The following NTMT1 variants were observed in gnomAD, a reference collection of about 807,000 sequenced individuals.
NTMT1 encodes the protein N-terminal RCC1 methyltransferase.
A neutral mutation model predicts 17.5 loss-of-function variants in NTMT1; 8 were observed. The observed-to-expected ratio is 0.46, with a 90% CI of 0.27 to 0.82. NTMT1 has a LOEUF of 0.82. Ranked by LOEUF, NTMT1 falls within the 40% of genes least tolerant of loss-of-function variation. The pLI, the probability that NTMT1 is intolerant of heterozygous loss-of-function variation, is 0.15. For synonymous variants in NTMT1, 128 were observed against 126.8 expected (o/e 1.01, Z -0.06); for missense variants, 221 against 303.5 (o/e 0.73, Z 2.02).
At chr9:129,619,652 G>A (rs767800175) in intron 1 of NTMT1, 2 of 1,613,458 alleles carry the variant, frequency 1.2e-6, no homozygotes, top group Admixed American at 3.3e-5. Context: ...AGACAAACAG[G>A]CCACATCTGG....
chr9:129,620,746 C>A lies in NTMT1; in HGVS notation c.-55+11568C>A. Reference sequence around the variant, plus strand: ...CAGCGAGTGGCTTCAGGCGAGAGCTCCCAGAGCCTCTGTTTCCTCACCTGA... The same window carrying A: ...CAGCGAGTGGCTTCAGGCGAGAGCTACCAGAGCCTCTGTTTCCTCACCTGA... On this transcript the variant is annotated intron_variant, in intron 1 of 3. Coordinates refer to the NTMT1 transcript ENST00000372486. This position sits in a 1 kb window ranked among gnomAD's most constrained non-coding sequence, Gnocchi z 5.8. 1 of 513,016 alleles carries A rather than the reference C, an allele frequency of 1.9e-6. No homozygotes were observed. The highest frequency in any genetic ancestry group is 3.0e-6 in the Non-Finnish European group (1 of 332,360). The allele number at this position is 513,016 out of a possible 1,614,324, so 31.8% of individuals were successfully genotyped here.
chr9:129,612,887 G>A lies in NTMT1; in HGVS notation c.-55+3709G>A, dbSNP rs1045488089. Among the ~76,000 whole-genome samples the A allele has an allele frequency of 3.9e-5, 6 of 152,054 alleles. No homozygotes were observed. The South Asian group carries it at 8.3e-4, about 21-fold the overall frequency. On this transcript the variant is annotated intron_variant, in intron 1 of 3. Coordinates refer to the NTMT1 transcript ENST00000372486. The stretch of plus-strand genomic sequence containing the variant: ...GGAGATGCAGAAAGGAACTGTGATC[G>A]GAACCCAGGCACCTGGCTTAGAGCC...
At chr9:129,623,226 G>T (rs1056327040), upstream of NTMT1, among the ~76,000 whole-genome samples, 3 of 151,700 alleles carry the variant, frequency 2.0e-5, no homozygotes, top group South Asian at 6.2e-4. Flanking sequence ...CCAGCTACGC[G>T]GGAGGCTGAG....
rs779953946 is a variant in NTMT1, at chr9:129,632,823, C to T, written c.120C>T (p.Ile40=). Residue 40 remains isoleucine, a synonymous_variant, in exon 2 of 4, where the codon ATC becomes ATT. Transcript: ENST00000372483. ...GGGGGTATGGCCACATCTCCAGCAT[C>T]GACATCAACAGCTCCCGGAAGTTTC... ...MLGGYGHISS[I]DINSSRKFLQ... The T allele has an allele frequency of 7.4e-6, 12 of 1,614,042 alleles. No homozygotes were observed. The East Asian group carries it at 1.8e-4, about 24-fold the overall frequency.
At position 129,632,675 on chromosome 9, in the gene NTMT1, G is replaced by GC; in HGVS notation, c.-28dup. ...GAGAGTCGCGGTTGCTGATCGTGGT[G>GC]CTTGAGTAGAGCCGTGGTTGGTGAC... On this transcript the variant is annotated 5_prime_UTR_variant, in exon 2 of 4. Coordinates refer to ENST00000372483, the MANE Select transcript of NTMT1 (RefSeq NM_014064.4). The GC allele has an allele frequency of 6.2e-7, 1 of 1,612,090 alleles. No homozygotes were observed. The highest frequency in any genetic ancestry group is 8.5e-7 in the Non-Finnish European group (1 of 1,178,330).
At chr9:129,618,316 C>T (rs1365862414) in intron 1 of NTMT1, among the ~76,000 whole-genome samples, 1 of 152,142 alleles carries the variant, frequency 6.6e-6, no homozygotes, top group Non-Finnish European at 1.5e-5. Flanking sequence ...TACCTCCATC[C>T]CTTAGTTTTC....
At chr9:129,622,536 GCTT>G (rs1830765294), upstream of NTMT1, among the ~76,000 whole-genome samples, 1 of 152,036 alleles carries the variant, frequency 6.6e-6, no homozygotes. Flanking sequence ...TGCTAGGTGT[GCTT>G]CTTGCTATTG....
intron 1 of NTMT1, among the ~76,000 whole-genome samples, chr9:129,629,713 T>C (rs947804352): frequency 1.3e-5 from 2 of 152,164 alleles, no homozygotes; most frequent in African/African-American, 4.8e-5. Flanking sequence ...GGCTCCCTGA[T>C]TGGTGAAGTG....
chr9:129,629,018 C>T (rs1038966743), intron 1 of NTMT1, among the ~76,000 whole-genome samples: 2 of 152,208 alleles, frequency 1.3e-5, no homozygotes, highest in African/African-American at 2.4e-5. Flanking sequence ...ATTTTCCCAG[C>T]CACCAAGTGT....
chr9:129,632,953 A>G lies in NTMT1; in HGVS notation c.162+88A>G, dbSNP rs374345869. Reference sequence around the variant, plus strand: ...GTGGGGTGCCACCTTTTACACATGTAACACTGCAGGATTGTTGGCTATCTC... The same window carrying G: ...GTGGGGTGCCACCTTTTACACATGTGACACTGCAGGATTGTTGGCTATCTC... On this transcript the variant is annotated intron_variant, in intron 2 of 3. Coordinates refer to ENST00000372483, the MANE Select transcript of NTMT1 (RefSeq NM_014064.4). 1.2e-4 allele frequency: 174 copies of G among 1,453,518 alleles called. 3 individuals are homozygous for G. The South Asian group carries it at 2.0e-3, about 17-fold the overall frequency. The allele number at this position is 1,453,518 out of a possible 1,614,324, so 90.0% of individuals were successfully genotyped here. A position where few individuals can be genotyped will look rare whatever the true frequency, so the allele number is the denominator to read the frequency against.
rs1831503775 is a variant in NTMT1, at chr9:129,635,562, C to T, written c.*98C>T. 20 of 1,372,506 alleles carry T rather than the reference C, an allele frequency of 1.5e-5. No homozygotes were observed. The highest frequency in any genetic ancestry group is 8.6e-5 in the African/African-American group (6 of 69,562). The allele number at this position is 1,372,506 out of a possible 1,614,324, so 85.0% of individuals were successfully genotyped here. A position where few individuals can be genotyped will look rare whatever the true frequency, so the allele number is the denominator to read the frequency against. ...CGCCACGCTGGCGGTTCGTGAGTGT[C>T]GAGGCACCACTAAATATAGCTGTCT... On this transcript the variant is annotated 3_prime_UTR_variant, in exon 4 of 4. Coordinates refer to ENST00000372483, the MANE Select transcript of NTMT1 (RefSeq NM_014064.4).
chr9:129,611,368 A>T (rs998358819), intron 1 of NTMT1, among the ~76,000 whole-genome samples: 15 of 152,162 alleles, frequency 9.9e-5, no homozygotes, highest in Non-Finnish European at 2.1e-4. Flanking sequence ...GCAGGGGCAA[A>T]CCTGGTGGGC....
chr9:129,629,342 C>T (rs750984206), intron 1 of NTMT1, among the ~76,000 whole-genome samples: 6 of 152,028 alleles, frequency 3.9e-5, no homozygotes, highest in Non-Finnish European at 7.4e-5. Flanking sequence ...TACCCGGGCA[C>T]ATCTAGCAGT....
Position 129,620,040 on chromosome 9 carries a change from C to A in NTMT1, c.-55+10862C>A, listed in dbSNP as rs1317236955. 4 of 1,453,836 alleles carry A rather than the reference C, an allele frequency of 2.8e-6. No individual in the cohort carries two copies. The highest frequency in any genetic ancestry group is 3.6e-6 in the Non-Finnish European group (4 of 1,100,978). 90.1% of individuals were successfully genotyped at this position (1,453,836 alleles called of 1,614,324 possible). A position where few individuals can be genotyped will look rare whatever the true frequency, so the allele number is the denominator to read the frequency against. Reference sequence around the variant, plus strand: ...CCCCCCACCGGAAATGACTCGGGCCCGCCCCCCGGGCCCCGCGGGGCCTCA... The same window carrying A: ...CCCCCCACCGGAAATGACTCGGGCCAGCCCCCCGGGCCCCGCGGGGCCTCA... On this transcript the variant is annotated intron_variant, in intron 1 of 3. Coordinates refer to the NTMT1 transcript ENST00000372486. The surrounding 1 kb of genome is among the most constrained non-coding windows in gnomAD (Gnocchi z 5.8).
At position 129,635,496 on chromosome 9, in the gene NTMT1, C is replaced by T. The variant is rs1435218431; in HGVS notation, c.*32C>T. ...GCTGGCAGGAGAAACTGAGGAACCACAGTCCTGGTGGGGGGAGCTGGCAGC... is the reference window on the plus strand; with the variant it reads ...GCTGGCAGGAGAAACTGAGGAACCATAGTCCTGGTGGGGGGAGCTGGCAGC... On this transcript the variant is annotated 3_prime_UTR_variant, in exon 4 of 4. Transcript: ENST00000372483. 1 of 1,592,662 alleles carries T rather than the reference C, an allele frequency of 6.3e-7. No individual in the cohort carries two copies. The highest frequency in any genetic ancestry group is 8.6e-7 in the Non-Finnish European group (1 of 1,167,350).
In NTMT1 at chr9:129,620,394, ACGCGG is replaced by A; in HGVS notation, c.-55+11220_-55+11224del. 8.1e-7 allele frequency: 1 copy of A among 1,232,202 alleles called. No homozygotes were observed. The highest frequency in any genetic ancestry group is 1.0e-6 in the Non-Finnish European group (1 of 988,236). The allele number at this position is 1,232,202 out of a possible 1,614,324, so 76.3% of individuals were successfully genotyped here. A position where few individuals can be genotyped will look rare whatever the true frequency, so the allele number is the denominator to read the frequency against. On this transcript the variant is annotated intron_variant, in intron 1 of 3. Coordinates refer to the NTMT1 transcript ENST00000372486. This position sits in a 1 kb window ranked among gnomAD's most constrained non-coding sequence, Gnocchi z 5.8. ...GGCTTGGCGTCCCCTTCCGGCCACC[ACGCGG>A]CGCCGCCCCCCGGGATCCTCCAGTC...
At chr9:129,612,340 C>T (rs1365308547) in intron 1 of NTMT1, 4 of 1,611,710 alleles carry the variant, frequency 2.5e-6, no homozygotes, top group African/African-American at 1.3e-5. Context: ...CTTGGGTTCG[C>T]GAGTGTTCAC....
At chr9:129,624,163 T>C (rs75365190), upstream of NTMT1, among the ~76,000 whole-genome samples, 1,073 of 152,304 alleles carry the variant, frequency 7.0e-3, 10 homozygotes, top group African/African-American at 0.023. Context: ...AACTACTATG[T>C]GCTAGGCTTG....
At chr9:129,617,998 T>G (rs574966797) in intron 1 of NTMT1, among the ~76,000 whole-genome samples, 1 of 152,352 alleles carries the variant, frequency 6.6e-6, no homozygotes, top group African/African-American at 2.4e-5. Context: ...GTTCCATTTC[T>G]AGTTCCTACC....
Sources: allele counts gnomAD v4.1 joint callset (sites outside exome capture counted in the v4.1 genomes callset), GRCh38; gene constraint gnomAD v4.1.1; non-coding constraint Gnocchi (gnomAD v3.1); transcripts MANE v1.5; gene names NCBI Gene and HGNC (gene_info 2026-07-23, HGNC 2026-07-21).